The following DMD variants were observed in gnomAD, a reference collection of about 807,000 sequenced individuals.
DMD encodes dystrophin.
In DMD, 63 loss-of-function variants were observed where a neutral mutation model predicts 330.1. The ratio of observed to expected loss-of-function variants is 0.19; its 90% CI spans 0.16 to 0.24. DMD has a LOEUF of 0.24. DMD is among the 10% of genes least tolerant of loss of function. The pLI is 1.00. For synonymous variants in DMD, 1,223 were observed against 959.8 expected (o/e 1.27, Z -5.07); for missense variants, 3,344 against 2,684.1 (o/e 1.25, Z -5.43).
At chrX:32,658,922 C>G (rs779882723) in intron 9 of DMD, among the ~76,000 whole-genome samples, 3 of 111,994 alleles carry the variant, frequency 2.7e-5, no homozygotes, top group African/African-American at 9.7e-5. Context: ...TAATTTCACA[C>G]TCTTGGTACA....
intron 48 of DMD, among the ~76,000 whole-genome samples, chrX:31,868,559 T>A (rs2093838542): frequency 1.8e-5 from 2 of 111,497 alleles, no homozygotes. Flanking sequence ...GTGCATAGAG[T>A]CAGATGTGAC....
At chrX:32,469,808 G>T (rs1274647357) in intron 22 of DMD, among the ~76,000 whole-genome samples, 1 of 110,794 alleles carries the variant, frequency 9.0e-6, no homozygotes, top group Non-Finnish European at 1.9e-5. Flanking sequence ...TTCCACTCCT[G>T]TAAATTATGT....
chrX:32,203,743 C>T (rs193091037), intron 44 of DMD, among the ~76,000 whole-genome samples: 270 of 111,344 alleles, frequency 2.4e-3, no homozygotes, highest in Non-Finnish European at 4.0e-3. Flanking sequence ...ATATAGAATC[C>T]GCCAAATCTA....
At chrX:32,536,281 A>AC (rs2047967883) in intron 17 of DMD, among the ~76,000 whole-genome samples, 1 of 108,058 alleles carries the variant, frequency 9.3e-6, no homozygotes, top group African/African-American at 3.4e-5. Context: ...AAAAAAAAAA[A>AC]AAAAAAACAC....
At chrX:32,747,995 A>T (rs1305641721) in intron 7 of DMD, among the ~76,000 whole-genome samples, 1 of 111,782 alleles carries the variant, frequency 8.9e-6, no homozygotes, top group Admixed American at 9.5e-5. Flanking sequence ...TTTATTTGGT[A>T]CTTACTATAT....
chrX:32,986,382 CT>C (rs992213153), intron 2 of DMD, among the ~76,000 whole-genome samples: 4 of 111,464 alleles, frequency 3.6e-5, no homozygotes, highest in East Asian at 2.8e-4. Context: ...AGAAAATTAC[CT>C]TTTTTTGGTG....
chrX:32,221,355 A>C (rs866020910), intron 43 of DMD, among the ~76,000 whole-genome samples: 11 of 16,345 alleles, frequency 6.7e-4, no homozygotes, highest in Non-Finnish European at 1.5e-3. Flanking sequence ...TGTGCGAATA[A>C]ATAAGTTAGT....
chrX:31,555,360 A>G (rs2074747417), intron 55 of DMD, among the ~76,000 whole-genome samples: 1 of 111,965 alleles, frequency 8.9e-6, no homozygotes, highest in Non-Finnish European at 1.9e-5. Context: ...CTAAACATAG[A>G]TAGTGAGGGA....
chrX:31,124,162 G>T (rs1187621426), intron 78 of DMD, among the ~76,000 whole-genome samples: 1 of 112,181 alleles, frequency 8.9e-6, no homozygotes, highest in Non-Finnish European at 1.9e-5. Flanking sequence ...TTACACTGCT[G>T]CATTTTCACA....
chrX:32,732,658 A>C (rs917586075), intron 7 of DMD, among the ~76,000 whole-genome samples: 2 of 111,171 alleles, frequency 1.8e-5, no homozygotes, highest in African/African-American at 3.3e-5. Context: ...CATCCAGGCA[A>C]ACTAAGCTTC....
At chrX:31,982,693 C>G (rs984622052) in intron 44 of DMD, among the ~76,000 whole-genome samples, 3 of 109,348 alleles carry the variant, frequency 2.7e-5, no homozygotes, top group Non-Finnish European at 5.7e-5. Context: ...TTTTTTTATT[C>G]AAGAGTGAGA....
At chrX:32,054,396 A>G (rs1321680137) in intron 44 of DMD, among the ~76,000 whole-genome samples, 1 of 83,103 alleles carries the variant, frequency 1.2e-5, no homozygotes, top group African/African-American at 4.8e-5. Flanking sequence ...TCCTGTGTCC[A>G]TGTGTTCTCA....
intron 51 of DMD, among the ~76,000 whole-genome samples, chrX:31,731,824 T>C (rs1355729257): frequency 3.6e-5 from 4 of 111,813 alleles, no homozygotes; most frequent in Non-Finnish European, 7.5e-5. Flanking sequence ...CTGTTTGCTA[T>C]ACTTTTTTCC....
At chrX:31,944,285 G>C (rs2095052445) in intron 45 of DMD, among the ~76,000 whole-genome samples, 1 of 111,532 alleles carries the variant, frequency 9.0e-6, no homozygotes, top group African/African-American at 3.3e-5. Flanking sequence ...ATTCAATGCA[G>C]AAACAGATAT....
chrX:33,023,106 A>T (rs888472947), intron 1 of DMD, among the ~76,000 whole-genome samples: 3 of 111,966 alleles, frequency 2.7e-5, no homozygotes, highest in Non-Finnish European at 5.7e-5. Context: ...CTTATATATC[A>T]TTATGGAAAC....
At chrX:33,026,595 T>C (rs1294985356) in intron 1 of DMD, among the ~76,000 whole-genome samples, 1 of 110,782 alleles carries the variant, frequency 9.0e-6, no homozygotes, top group Non-Finnish European at 1.9e-5. Flanking sequence ...GAGGCTGCAA[T>C]GGAAAATGGT....
chrX:32,857,568 T>A (rs1183467727), intron 2 of DMD, among the ~76,000 whole-genome samples: 2 of 112,097 alleles, frequency 1.8e-5, no homozygotes, highest in Non-Finnish European at 3.8e-5. Flanking sequence ...TGTCCATTGT[T>A]GAAGAAAATA....
At chrX:32,752,953 A>G (rs992216123) in intron 7 of DMD, among the ~76,000 whole-genome samples, 1 of 111,005 alleles carries the variant, frequency 9.0e-6, no homozygotes, top group African/African-American at 3.3e-5. Flanking sequence ...TTGCAAGTCT[A>G]TTAAACCCTT....
intron 43 of DMD, among the ~76,000 whole-genome samples, chrX:32,239,257 C>T (rs2097199381): frequency 8.9e-6 from 1 of 112,136 alleles, no homozygotes; most frequent in Admixed American, 9.5e-5. Flanking sequence ...TATACTCTCC[C>T]ATTTTCCATG....
Sources: allele counts gnomAD v4.1 joint callset (sites outside exome capture counted in the v4.1 genomes callset), GRCh38; gene constraint gnomAD v4.1.1; transcripts MANE v1.5; gene names NCBI Gene and HGNC (gene_info 2026-07-23, HGNC 2026-07-21).